Variants in ACBD6 observed in about 807,000 individuals in gnomAD.
The protein encoded by ACBD6 is acyl-CoA-binding domain-containing protein 6.
A neutral mutation model predicts 37.2 loss-of-function variants in ACBD6; 28 were observed. The observed-to-expected ratio is 0.75, with a 90% confidence interval of 0.56 to 1.03. ACBD6 has a LOEUF of 1.03. Ranked by LOEUF, ACBD6 falls within the 50% of genes least tolerant of loss-of-function variation. ACBD6 has a pLI of 0.00. For synonymous variants in ACBD6, 113 were observed against 126.8 expected (o/e 0.89, Z 0.73); for missense variants, 340 against 337.4 (o/e 1.01, Z -0.06).
At chr1:180,269,852 G>A (rs1000765875) in exon 14 of ACBD6, 10 of 152,232 alleles carry the variant, frequency 6.6e-5, no homozygotes, top group African/African-American at 2.4e-4. Flanking sequence ...TCTCTAAGTA[G>A]TGTAGTCTCT....
chr1:180,461,828 G>GT (rs1650160421), intron 3 of ACBD6, among the ~76,000 whole-genome samples: 1 of 152,090 alleles, frequency 6.6e-6, no homozygotes, highest in African/African-American at 2.4e-5. Context: ...AAAACACACT[G>GT]AAGTACACAG....
intron 4 of ACBD6, among the ~76,000 whole-genome samples, chr1:180,424,032 T>C (rs1043795397): frequency 1.3e-5 from 2 of 152,298 alleles, no homozygotes; most frequent in Non-Finnish European, 2.9e-5. Flanking sequence ...AAAGAAATTT[T>C]ATTTTAAAAA....
intron 9 of ACBD6, chr1:180,278,217 T>C (rs1232953264): frequency 2.0e-5 from 3 of 152,170 alleles, no homozygotes; most frequent in African/African-American, 7.2e-5. Context: ...ACACTGCACT[T>C]TAAAAATTGG....
At chr1:180,279,423 A>C (rs1297736706) in intron 9 of ACBD6, among the ~76,000 whole-genome samples, 1 of 152,064 alleles carries the variant, frequency 6.6e-6, no homozygotes, top group Non-Finnish European at 1.5e-5. Flanking sequence ...CAGCCTCCAG[A>C]GTACGTGGGA....
chr1:180,487,085 G>A (rs1571572661), intron 3 of ACBD6, among the ~76,000 whole-genome samples: 1 of 151,658 alleles, frequency 6.6e-6, no homozygotes, highest in Non-Finnish European at 1.5e-5. Flanking sequence ...AACTAAATAC[G>A]ATGCATGACC....
intron 4 of ACBD6, among the ~76,000 whole-genome samples, chr1:180,422,534 C>A (rs1363983222): frequency 6.6e-6 from 1 of 152,078 alleles, no homozygotes; most frequent in African/African-American, 2.4e-5. Flanking sequence ...TACAGAAGTC[C>A]GTAATGCTCA....
At chr1:180,454,526 G>A (rs10913996) in intron 3 of ACBD6, among the ~76,000 whole-genome samples, 16,324 of 152,108 alleles carry the variant, frequency 0.11, 1,279 homozygotes, top group African/African-American at 0.21. Context: ...TTGACAAGTG[G>A]GATCTAATTA....
At chr1:180,274,287 G>A in intron 10 of ACBD6, 1 of 1,614,194 alleles carries the variant, frequency 6.2e-7, no homozygotes, top group Non-Finnish European at 8.5e-7. Context: ...TCCATGGACG[G>A]GACAGGACAA....
intron 6 of ACBD6, among the ~76,000 whole-genome samples, chr1:180,348,766 T>C (rs1218959449): frequency 6.6e-6 from 1 of 152,234 alleles, no homozygotes; most frequent in African/African-American, 2.4e-5. Flanking sequence ...TTTTTTGATA[T>C]ACAAATGTTC....
chr1:180,296,260 G>A (rs1029955334), intron 7 of ACBD6, among the ~76,000 whole-genome samples: 1 of 152,138 alleles, frequency 6.6e-6, no homozygotes, highest in South Asian at 2.1e-4. Context: ...CAGAAGAAAA[G>A]TTAGGAGTTG....
At chr1:180,413,830 T>C (rs770001583) in intron 4 of ACBD6, among the ~76,000 whole-genome samples, 2 of 152,160 alleles carry the variant, frequency 1.3e-5, no homozygotes, top group Non-Finnish European at 2.9e-5. Context: ...AAAGAAAAGC[T>C]GGGAAGCATA....
At chr1:180,446,514 G>A (rs1034172207) in intron 3 of ACBD6, among the ~76,000 whole-genome samples, 3 of 151,900 alleles carry the variant, frequency 2.0e-5, no homozygotes, top group African/African-American at 7.3e-5. Flanking sequence ...AACATGAATA[G>A]CTATTCATTT....
At chr1:180,319,192 T>A (rs1164477501) in intron 6 of ACBD6, among the ~76,000 whole-genome samples, 2 of 152,192 alleles carry the variant, frequency 1.3e-5, no homozygotes, top group African/African-American at 2.4e-5. Context: ...TTCTTATCTA[T>A]CTCTTCCACT....
chr1:180,370,222 G>A (rs1653204318), intron 6 of ACBD6, among the ~76,000 whole-genome samples: 1 of 152,158 alleles, frequency 6.6e-6, no homozygotes, highest in African/African-American at 2.4e-5. Context: ...AAAAGAGGGG[G>A]GTTTAAAGGG....
chr1:180,355,877 T>TG (rs983607183), intron 6 of ACBD6, among the ~76,000 whole-genome samples: 6 of 152,256 alleles, frequency 3.9e-5, no homozygotes, highest in Admixed American at 3.9e-4. Flanking sequence ...CTATAATTTT[T>TG]TTTTTTTTGA....
At chr1:180,488,292 T>C (rs907625170) in intron 3 of ACBD6, among the ~76,000 whole-genome samples, 2 of 152,122 alleles carry the variant, frequency 1.3e-5, no homozygotes, top group African/African-American at 4.8e-5. Flanking sequence ...TTGCCTTAAT[T>C]ATAGTAGACA....
Position 180,502,030 on chromosome 1 carries a change from T to A in ACBD6, c.222+15A>T, listed in dbSNP as rs1557897850. 1 of 1,612,434 alleles carries A rather than the reference T, an allele frequency of 6.2e-7. No individual in the cohort carries two copies. Among genetic ancestry groups the A allele is most frequent in the East Asian group, 2.2e-5 (1 of 44,828 alleles). On this transcript the variant is annotated intron_variant, in intron 1 of 7. Transcript: ENST00000367595. Reference sequence around the variant, plus strand: ...GTGTCTTTCTCCCCCATCCACCCTCTCCCTGCTACTTTACCTGTTTGTACC... The same window carrying A: ...GTGTCTTTCTCCCCCATCCACCCTCACCCTGCTACTTTACCTGTTTGTACC...
chr1:180,302,181 A>G (rs1434962401), intron 7 of ACBD6, among the ~76,000 whole-genome samples: 1 of 147,758 alleles, frequency 6.8e-6, no homozygotes, highest in African/African-American at 2.6e-5. Context: ...AACTTAGAGT[A>G]TAATTAAAAA....
At chr1:180,358,835 C>T (rs568742673) in intron 6 of ACBD6, among the ~76,000 whole-genome samples, 34 of 152,286 alleles carry the variant, frequency 2.2e-4, no homozygotes, top group South Asian at 1.2e-3. Context: ...GACCAGCTGT[C>T]GGATATCAGA....
Sources: gnomAD v4.1 joint callset for allele counts (sites outside exome capture counted in the v4.1 genomes callset) on GRCh38, gnomAD v4.1.1 for gene constraint, MANE v1.5 for transcripts, NCBI Gene and HGNC (gene_info 2026-07-23, HGNC 2026-07-21) for gene names.